ESRRG: variants seen among roughly 807,000 people sequenced by gnomAD.
ESRRG encodes estrogen related receptor gamma, also known as estrogen-related receptor gamma.
Under a neutral mutation model 44.0 loss-of-function variants are expected in ESRRG, and 13 were observed. The observed-to-expected ratio is 0.30, with a 90% CI of 0.19 to 0.47. The LOEUF is 0.47. Ranked by LOEUF, ESRRG falls within the 20% of genes least tolerant of loss-of-function variation. ESRRG has a pLI of 1.00. For missense variants in ESRRG, 395 were observed against 580.6 expected (o/e 0.68, Z 3.29); for synonymous variants, 215 against 214.6 (o/e 1.00, Z -0.02).
At chr1:216,706,785 C>T (rs1303675702) in intron 1 of ESRRG, among the ~76,000 whole-genome samples, 3 of 152,178 alleles carry the variant, frequency 2.0e-5, no homozygotes, top group Admixed American at 6.5e-5. Context: ...TATTACCTAA[C>T]TTCACTAATC....
intron 1 of ESRRG, among the ~76,000 whole-genome samples, chr1:217,028,585 G>T (rs1469888002): frequency 6.6e-6 from 1 of 152,156 alleles, no homozygotes; most frequent in Non-Finnish European, 1.5e-5. Context: ...ATGTCTTTGG[G>T]AATAGCACAT....
chr1:216,600,924 C>T (rs748901955), intron 3 of ESRRG, among the ~76,000 whole-genome samples: 5 of 152,202 alleles, frequency 3.3e-5, no homozygotes, highest in Admixed American at 6.5e-5. Context: ...TTATTCAGCC[C>T]AATCTTTCCT....
At chr1:216,866,295 A>G (rs1317187266) in intron 2 of ESRRG, among the ~76,000 whole-genome samples, 2 of 152,206 alleles carry the variant, frequency 1.3e-5, no homozygotes, top group South Asian at 2.1e-4. Flanking sequence ...TTCACATCCA[A>G]TATCATACAT....
intron 1 of ESRRG, among the ~76,000 whole-genome samples, chr1:216,694,205 A>C (rs946587640): frequency 2.6e-5 from 4 of 152,234 alleles, no homozygotes; most frequent in African/African-American, 9.6e-5. Flanking sequence ...GTGAATGTTA[A>C]GAAGATTAAA....
At chr1:217,130,534 C>A (rs186541413) in intron 1 of ESRRG, among the ~76,000 whole-genome samples, 2 of 152,108 alleles carry the variant, frequency 1.3e-5, no homozygotes, top group Admixed American at 1.3e-4. Context: ...CTGCACTGGT[C>A]CCGAAATGTC....
chr1:217,103,696 AT>A (rs2092552774), intron 1 of ESRRG, among the ~76,000 whole-genome samples: 3 of 151,514 alleles, frequency 2.0e-5, no homozygotes, highest in South Asian at 4.2e-4. Context: ...AATTAAAAGA[AT>A]TTTTTAAAGG....
intron 1 of ESRRG, among the ~76,000 whole-genome samples, chr1:217,003,937 C>G (rs2077398698): frequency 6.6e-6 from 1 of 151,408 alleles, no homozygotes; most frequent in Non-Finnish European, 1.5e-5. Flanking sequence ...AGTTTGTGAC[C>G]TCAAATTTGG....
intron 5 of ESRRG, among the ~76,000 whole-genome samples, chr1:216,531,686 G>A (rs1372694739): frequency 6.6e-6 from 1 of 152,114 alleles, no homozygotes; most frequent in African/African-American, 2.4e-5. Flanking sequence ...ATGGATATAT[G>A]ATACACAAAC....
intron 3 of ESRRG, among the ~76,000 whole-genome samples, chr1:216,603,974 T>C (rs1186674592): frequency 7.3e-6 from 1 of 137,774 alleles, no homozygotes; most frequent in South Asian, 2.3e-4. Flanking sequence ...GAAAGAAAAA[T>C]TGTTTAACTT....
chr1:216,581,635 A>AAGAGAG lies in ESRRG; in HGVS notation c.590-13543_590-13538dup, dbSNP rs112365344. ...ATGAAAGGGACTATGTGTTTAAATA[A>AAGAGAG]AGAGAGAGAGAGAGAGAGAAAACAA... On this transcript the variant is annotated intron_variant, in intron 3 of 6. Transcript: ENST00000408911. Among the ~76,000 whole-genome samples, 1,243 of 150,120 alleles carry AAGAGAG rather than the reference A, an allele frequency of 8.3e-3. 13 individuals carry two copies. Among genetic ancestry groups the AAGAGAG allele is most frequent in the African/African-American group, 0.021 (862 of 40,986 alleles).
intron 3 of ESRRG, among the ~76,000 whole-genome samples, chr1:216,626,336 C>T (rs1214883070): frequency 6.6e-6 from 1 of 152,132 alleles, no homozygotes; most frequent in Non-Finnish European, 1.5e-5. Context: ...GGATTCTGTC[C>T]TGAACTCACT....
chr1:217,094,544 G>A (rs2092395918), upstream of ESRRG, among the ~76,000 whole-genome samples: 1 of 152,192 alleles, frequency 6.6e-6, no homozygotes, highest in Admixed American at 6.5e-5. Context: ...GGGATAAAAT[G>A]AAGTAGTGGA....
intron 2 of ESRRG, among the ~76,000 whole-genome samples, chr1:216,773,737 T>G (rs2093477257): frequency 6.6e-6 from 1 of 152,088 alleles, no homozygotes; most frequent in Admixed American, 6.6e-5. Flanking sequence ...GCAGATCAGC[T>G]TGTTTTGAGG....
At chr1:216,609,322 A>G (rs1199488211) in intron 3 of ESRRG, among the ~76,000 whole-genome samples, 1 of 152,238 alleles carries the variant, frequency 6.6e-6, no homozygotes, top group Non-Finnish European at 1.5e-5. Context: ...AATACCTGGC[A>G]TATTAACATT....
intron 1 of ESRRG, among the ~76,000 whole-genome samples, chr1:217,007,342 C>T (rs2077888190): frequency 6.6e-6 from 1 of 151,868 alleles, no homozygotes; most frequent in Non-Finnish European, 1.5e-5. Context: ...TCCCATACTT[C>T]TATGTTATTG....
intron 3 of ESRRG, among the ~76,000 whole-genome samples, chr1:216,579,064 AAAT>A (rs1216683792): frequency 6.6e-6 from 1 of 152,176 alleles, no homozygotes; most frequent in African/African-American, 2.4e-5. Flanking sequence ...CAGACACACT[AAAT>A]AAGCAATGTT....
chr1:216,733,235 G>T (rs1339120706), intron 2 of ESRRG, among the ~76,000 whole-genome samples: 1 of 149,344 alleles, frequency 6.7e-6, no homozygotes, highest in African/African-American at 2.5e-5. Flanking sequence ...TTGCTAGCCT[G>T]CAGTATAAGG....
chr1:216,839,834 C>T (rs1361385177), intron 2 of ESRRG, among the ~76,000 whole-genome samples: 1 of 152,126 alleles, frequency 6.6e-6, no homozygotes, highest in African/African-American at 2.4e-5. Flanking sequence ...TATTTCTGAG[C>T]AGGAGGTCTC....
rs2059300598 is a variant in ESRRG, at chr1:216,564,319, G to T, written c.762C>A (p.Asp254Glu). ...AEPEKIYAMP[D>E]PTVPDSDIKA... ...TGATGTCACTGTCGGGGACAGTAGGGTCAGGCATGGCATAGATCTTCTCCG... is the reference window on the plus strand; with the variant it reads ...TGATGTCACTGTCGGGGACAGTAGGTTCAGGCATGGCATAGATCTTCTCCG... The change falls in exon 5 of 7, where the codon GAC becomes GAA. Residue 254 changes from aspartate to glutamate, a missense_variant. Asp to Glu is a conservative substitution (Grantham distance 45, BLOSUM62 2). This residue lies in a region of ESRRG where 167 missense variants were observed against 251.8 expected (regional missense o/e 0.66). Transcript: ENST00000408911. 6.2e-7 allele frequency: 1 copy of T among 1,611,338 alleles called. No homozygotes were observed. The highest frequency in any genetic ancestry group is 1.7e-5 in the Admixed American group (1 of 59,784).
Sources: allele counts gnomAD v4.1 joint callset (sites outside exome capture counted in the v4.1 genomes callset), GRCh38; gene constraint gnomAD v4.1.1; regional missense constraint gnomAD v4.1.1; transcripts MANE v1.5; gene names NCBI Gene and HGNC (gene_info 2026-07-23, HGNC 2026-07-21).